The following EHBP1 variants were observed in gnomAD, a reference collection of about 807,000 sequenced individuals.
The protein encoded by EHBP1 is EH domain binding protein 1, also known as EH domain-binding protein 1.
A neutral mutation model predicts 144.0 loss-of-function variants in EHBP1; 55 were observed. The observed-to-expected ratio is 0.38, with a 90% CI of 0.31 to 0.48. The LOEUF is 0.48. EHBP1 is among the 20% of genes least tolerant of loss of function. The pLI is 0.98. For synonymous variants in EHBP1, 469 were observed against 472.7 expected (o/e 0.99, Z 0.10); for missense variants, 1,200 against 1,364.2 (o/e 0.88, Z 1.90).
At chr2:62,913,944 GA>G (rs1487498632) in intron 10 of EHBP1, among the ~76,000 whole-genome samples, 1 of 152,142 alleles carries the variant, frequency 6.6e-6, no homozygotes, top group East Asian at 1.9e-4. Flanking sequence ...TTACAGAACA[GA>G]AAAGAGGGGT....
intron 14 of EHBP1, among the ~76,000 whole-genome samples, chr2:62,967,201 G>A (rs990791317): frequency 1.3e-5 from 2 of 152,138 alleles, no homozygotes; most frequent in South Asian, 2.1e-4. Context: ...CATTCATTGC[G>A]CTACAATTTG....
intron 2 of EHBP1, among the ~76,000 whole-genome samples, chr2:62,735,076 G>T (rs1036380377): frequency 6.6e-6 from 1 of 152,118 alleles, no homozygotes; most frequent in Non-Finnish European, 1.5e-5. Context: ...TAAATTATTT[G>T]TAGAGACGAG....
intron 14 of EHBP1, among the ~76,000 whole-genome samples, chr2:62,970,343 C>T (rs753487385): frequency 1.3e-5 from 2 of 151,644 alleles, no homozygotes; most frequent in Non-Finnish European, 2.9e-5. Flanking sequence ...TATGAAACAC[C>T]GAAGACAAAA....
At position 63,045,189 on chromosome 2, in the gene EHBP1, G is replaced by C; in HGVS notation, c.3392+9G>C. ...GACGCGCAGGAGAAGCAGTGAGTGG[G>C]CAGTGGGGTCGGGTCGAGGCTGGGC... On this transcript the variant is annotated intron_variant, in intron 22 of 22. Coordinates refer to ENST00000431489, the MANE Select transcript of EHBP1 (RefSeq NM_001142616.3). The surrounding 1 kb of genome is among the most constrained non-coding windows in gnomAD (Gnocchi z 5.7). 6.4e-7 allele frequency: 1 copy of C among 1,574,768 alleles called. No homozygotes were observed. Among genetic ancestry groups the C allele is most frequent in the Non-Finnish European group, 8.6e-7 (1 of 1,158,584 alleles).
At chr2:62,782,092 C>T (rs999665502) in intron 5 of EHBP1, among the ~76,000 whole-genome samples, 1 of 152,168 alleles carries the variant, frequency 6.6e-6, no homozygotes, top group Non-Finnish European at 1.5e-5. Context: ...TGCATTTTAC[C>T]ATTTACTCAC....
intron 19 of EHBP1, among the ~76,000 whole-genome samples, chr2:63,016,282 ATG>A (rs990712023): frequency 6.6e-6 from 1 of 152,126 alleles, no homozygotes; most frequent in Non-Finnish European, 1.5e-5. Flanking sequence ...TTTTGTATAT[ATG>A]TGTTTTTAAC....
intron 10 of EHBP1, among the ~76,000 whole-genome samples, chr2:62,876,296 C>CA (rs1315136068): frequency 1.3e-5 from 2 of 152,194 alleles, no homozygotes; most frequent in Non-Finnish European, 2.9e-5. Context: ...AGAAACCCTA[C>CA]AAGCCAGAAG....
chr2:63,045,561 A>T lies in EHBP1; in HGVS notation c.*61A>T. Reference sequence around the variant, plus strand: ...GAGTCTTGCTTCCCAAACCAGAAAAAGTCAGACTCATTGTTGATTTAAAAC... The same window carrying T: ...GAGTCTTGCTTCCCAAACCAGAAAATGTCAGACTCATTGTTGATTTAAAAC... On this transcript the variant is annotated 3_prime_UTR_variant, in exon 23 of 23. Coordinates refer to ENST00000431489, the MANE Select transcript of EHBP1 (RefSeq NM_001142616.3). This position sits in a 1 kb window ranked among gnomAD's most constrained non-coding sequence, Gnocchi z 5.7. The T allele has an allele frequency of 2.9e-6, 4 of 1,362,006 alleles. No homozygotes were observed. Among genetic ancestry groups the T allele is most frequent in the Non-Finnish European group, 2.1e-6 (2 of 969,570 alleles). The allele number at this position is 1,362,006 out of a possible 1,614,324, so 84.4% of individuals were successfully genotyped here.
chr2:62,701,517 A>G (rs1243722286), upstream of EHBP1, among the ~76,000 whole-genome samples: 1 of 152,188 alleles, frequency 6.6e-6, no homozygotes, highest in Non-Finnish European at 1.5e-5. Flanking sequence ...AAACTCAAAA[A>G]CCAATAAAAA....
At chr2:62,968,232 T>C (rs1429451592) in intron 14 of EHBP1, among the ~76,000 whole-genome samples, 1 of 152,192 alleles carries the variant, frequency 6.6e-6, no homozygotes, top group Non-Finnish European at 1.5e-5. Context: ...ACATAGAAGT[T>C]ACAAAGATTA....
At chr2:62,858,368 C>A in intron 7 of EHBP1, 1 of 1,396,338 alleles carries the variant, frequency 7.2e-7, no homozygotes, top group Non-Finnish European at 1.0e-6. Flanking sequence ...ATTAAATGAC[C>A]TTACCTTATA....
intron 10 of EHBP1, among the ~76,000 whole-genome samples, chr2:62,896,790 G>T (rs2152930699): frequency 6.6e-6 from 1 of 151,620 alleles, no homozygotes; most frequent in Admixed American, 6.6e-5. Flanking sequence ...CTCATCTCTA[G>T]TTCCTTAAGT....
chr2:62,713,878 A>C (rs1448992327), intron 2 of EHBP1, among the ~76,000 whole-genome samples: 1 of 152,138 alleles, frequency 6.6e-6, no homozygotes, highest in Non-Finnish European at 1.5e-5. Flanking sequence ...TGTTTTTTCC[A>C]GATTTTAAGT....
intron 2 of EHBP1, among the ~76,000 whole-genome samples, chr2:62,729,454 A>G (rs2152002088): frequency 9.7e-6 from 1 of 102,674 alleles, no homozygotes; most frequent in South Asian, 2.5e-4. Context: ...AATAATAAAT[A>G]TATAATATAT....
intron 10 of EHBP1, among the ~76,000 whole-genome samples, chr2:62,923,731 G>A (rs2055273084): frequency 6.6e-6 from 1 of 152,144 alleles, no homozygotes; most frequent in African/African-American, 2.4e-5. Flanking sequence ...TATGACCCAA[G>A]AAACACTCCG....
intron 10 of EHBP1, among the ~76,000 whole-genome samples, chr2:62,881,418 G>GAAAA (rs371288881): frequency 8.6e-4 from 60 of 69,612 alleles, no homozygotes; most frequent in East Asian, 2.1e-3. Context: ...AGGAAAAACG[G>GAAAA]AAAAAAAAAA....
intron 3 of EHBP1, among the ~76,000 whole-genome samples, chr2:62,761,837 C>T (rs778162415): frequency 3.3e-5 from 5 of 152,168 alleles, no homozygotes; most frequent in East Asian, 1.9e-4. Flanking sequence ...TCTTCTGCAA[C>T]GATTTTCTCC....
chr2:62,957,893 G>A (rs538076031), intron 14 of EHBP1, among the ~76,000 whole-genome samples: 13 of 151,924 alleles, frequency 8.6e-5, no homozygotes, highest in African/African-American at 1.9e-4. Flanking sequence ...TGATCCGCCC[G>A]CCTCGGCCTC....
At chr2:62,797,225 T>A (rs2043601901) in intron 5 of EHBP1, among the ~76,000 whole-genome samples, 1 of 152,218 alleles carries the variant, frequency 6.6e-6, no homozygotes, top group Admixed American at 6.5e-5. Context: ...TGTGTCAGAT[T>A]ACTTTGCGTG....
Sources: allele counts gnomAD v4.1 joint callset (sites outside exome capture counted in the v4.1 genomes callset), GRCh38; gene constraint gnomAD v4.1.1; non-coding constraint Gnocchi (gnomAD v3.1); transcripts MANE v1.5; gene names NCBI Gene and HGNC (gene_info 2026-07-23, HGNC 2026-07-21).